The following SOCS4 variants were observed in gnomAD, a reference collection of about 807,000 sequenced individuals.
SOCS4 encodes suppressor of cytokine signaling 4.
In SOCS4, 20 loss-of-function variants were observed where a neutral mutation model predicts 34.1. The observed-to-expected ratio is 0.59, with a 90% CI of 0.41 to 0.85. The LOEUF is 0.85. SOCS4 is among the 40% of genes least tolerant of loss of function. The pLI, the probability that SOCS4 is intolerant of heterozygous loss-of-function variation, is 0.00. For missense variants in SOCS4, 479 were observed against 532.4 expected, an observed-to-expected ratio of 0.90 and a Z score of 0.99; for synonymous variants, 180 against 186.4, an observed-to-expected ratio of 0.97 and a Z score of 0.28.
At chr14:55,040,501 T>G (rs568638077) in intron 2 of SOCS4, among the ~76,000 whole-genome samples, 2 of 152,200 alleles carry the variant, frequency 1.3e-5, no homozygotes, top group Non-Finnish European at 2.9e-5. Flanking sequence ...TCCCAGCACT[T>G]TGGGAGGTCC....
At position 55,043,796 on chromosome 14, in the gene SOCS4, A is replaced by T. The variant is rs2042645407; in HGVS notation, c.755A>T (p.Asp252Val). Residue 252 changes from aspartate to valine, a missense_variant, in exon 3 of 3, where the codon GAT becomes GTT. Coordinates refer to ENST00000555846, the MANE Select transcript of SOCS4 (RefSeq NM_199421.2). ...AGAAACAAACCCAAATGGGATTTGGATGATGAAATCCTGCAGTTGGAAACA... is the reference window on the plus strand; with the variant it reads ...AGAAACAAACCCAAATGGGATTTGGTTGATGAAATCCTGCAGTTGGAAACA... Reference protein sequence around the residue: ...RKRNKPKWDLDDEILQLETPP... With the variant: ...RKRNKPKWDLVDEILQLETPP... The T allele has an allele frequency of 1.2e-6, 2 of 1,614,056 alleles. No homozygotes were observed. Among genetic ancestry groups the T allele is most frequent in the Admixed American group, 1.7e-5 (1 of 60,002 alleles).
chr14:55,045,452 T>C lies in SOCS4; in HGVS notation c.*1088T>C, dbSNP rs1469354958. Reference sequence around the variant, plus strand: ...GTATTCAGGAAGCTTAATACTGTTTTTGATCTACAAGATCCAAATAATTAT... The same window carrying C: ...GTATTCAGGAAGCTTAATACTGTTTCTGATCTACAAGATCCAAATAATTAT... On this transcript the variant is annotated 3_prime_UTR_variant, in exon 3 of 3. Transcript: ENST00000555846. 2 of 166,980 alleles carry C rather than the reference T, an allele frequency of 1.2e-5. No homozygotes were observed. Among genetic ancestry groups the C allele is most frequent in the Non-Finnish European group, 2.9e-5 (2 of 68,034 alleles). 10.3% of individuals were successfully genotyped at this position (166,980 alleles called of 1,614,324 possible).
chr14:55,032,556 G>A (rs2042537114), intron 2 of SOCS4, among the ~76,000 whole-genome samples: 1 of 151,762 alleles, frequency 6.6e-6, no homozygotes, highest in Non-Finnish European at 1.5e-5. Flanking sequence ...ATGTCATTCT[G>A]TACTCCCCAG....
intron 2 of SOCS4, among the ~76,000 whole-genome samples, chr14:55,039,519 A>G (rs145252463): frequency 6.6e-6 from 1 of 152,354 alleles, no homozygotes; most frequent in Non-Finnish European, 1.5e-5. Flanking sequence ...TTATAAGCAG[A>G]CTTAGTTGTT....
rs140644732 is a variant in SOCS4, at chr14:55,040,572, G to A, written c.-90-2380G>A. ...ATCCTGGCTAACACAGTGAAACCCC[G>A]TCTCTTCTAAAAATACAAAAAATTA... On this transcript the variant is annotated intron_variant, in intron 2 of 2. Coordinates refer to ENST00000555846, the MANE Select transcript of SOCS4 (RefSeq NM_199421.2). 8.9e-3 allele frequency among the ~76,000 whole-genome samples: 1,346 copies of A among 152,076 alleles called. 17 individuals carry two copies. The highest frequency in any genetic ancestry group is 0.03 in the African/African-American group (1,253 of 41,460).
chr14:55,032,917 G>C (rs1177852571), intron 2 of SOCS4, among the ~76,000 whole-genome samples: 1 of 152,032 alleles, frequency 6.6e-6, no homozygotes, highest in Non-Finnish European at 1.5e-5. Flanking sequence ...CGAGTAGCTG[G>C]GACTAGAGGC....
intron 2 of SOCS4, among the ~76,000 whole-genome samples, chr14:55,038,892 G>C (rs1420255401): frequency 6.6e-6 from 1 of 152,120 alleles, no homozygotes; most frequent in Non-Finnish European, 1.5e-5. Flanking sequence ...TCTGTCACCT[G>C]CATCTCTGCT....
intron 2 of SOCS4, among the ~76,000 whole-genome samples, chr14:55,032,528 T>C (rs900211635): frequency 3.3e-5 from 5 of 151,794 alleles, no homozygotes; most frequent in African/African-American, 7.3e-5. Context: ...TTAAGAAATA[T>C]GACTTAAAAA....
rs2140250455 is a variant in SOCS4 at position 55,044,451 on chromosome 14, C to A, written c.*87C>A. On this transcript the variant is annotated 3_prime_UTR_variant, in exon 3 of 3. Transcript: ENST00000555846. ...TTTTATGCCACTTTGGATTTTTCTA[C>A]AAAGGCAGTGGTGTCCAAAATAAAA... The A allele has an allele frequency of 9.7e-7, 1 of 1,034,532 alleles. No individual in the cohort carries two copies. Among genetic ancestry groups the A allele is most frequent in the African/African-American group, 1.7e-5 (1 of 59,986 alleles). 64.1% of individuals were successfully genotyped at this position (1,034,532 alleles called of 1,614,324 possible).
At chr14:55,035,123 A>T (rs142153272) in intron 2 of SOCS4, among the ~76,000 whole-genome samples, 2,321 of 152,278 alleles carry the variant, frequency 0.015, 97 homozygotes, top group East Asian at 0.13. Flanking sequence ...GGCCTCCCAA[A>T]GTACTGGGAT....
intron 2 of SOCS4, among the ~76,000 whole-genome samples, chr14:55,041,133 C>T (rs1008685877): frequency 2.0e-5 from 3 of 152,160 alleles, no homozygotes; most frequent in Non-Finnish European, 4.4e-5. Flanking sequence ...GATCCACTCA[C>T]CTTGGCCTCC....
intron 2 of SOCS4, among the ~76,000 whole-genome samples, chr14:55,042,169 G>A (rs1307931306): frequency 2.0e-5 from 3 of 152,048 alleles, no homozygotes; most frequent in African/African-American, 7.2e-5. Context: ...CATGAAACTC[G>A]GTATTTTACA....
chr14:55,033,716 T>C (rs1287910353), intron 2 of SOCS4, among the ~76,000 whole-genome samples: 1 of 152,250 alleles, frequency 6.6e-6, no homozygotes, highest in Non-Finnish European at 1.5e-5. Flanking sequence ...ATGTAAGTAC[T>C]TTGTCTTGAG....
Position 55,049,267 on chromosome 14 carries a change from C to T in SOCS4, c.*4903C>T, listed in dbSNP as rs1490968447. The T allele has an allele frequency of 6.0e-6, 1 of 166,954 alleles. No individual in the cohort carries two copies. The highest frequency in any genetic ancestry group is 1.5e-5 in the Non-Finnish European group (1 of 68,100). The allele number at this position is 166,954 out of a possible 1,614,324, so 10.3% of individuals were successfully genotyped here. On this transcript the variant is annotated 3_prime_UTR_variant, in exon 3 of 3. Coordinates refer to ENST00000555846, the MANE Select transcript of SOCS4 (RefSeq NM_199421.2). ...AGAATTGGATAAATTCTGTATAAGC[C>T]AAGTATGAGTTCACATGTACTCGAA... is the stretch of plus-strand genomic sequence containing the variant.
At chr14:55,039,896 AAAAAAG>A (rs1343555970) in intron 2 of SOCS4, among the ~76,000 whole-genome samples, 1 of 152,234 alleles carries the variant, frequency 6.6e-6, no homozygotes, top group African/African-American at 2.4e-5. Context: ...ACTCCGTCTC[AAAAAAG>A]AAAAAGAAAA....
chr14:55,030,001 A>G (rs1468983218), intron 1 of SOCS4, among the ~76,000 whole-genome samples: 2 of 152,194 alleles, frequency 1.3e-5, no homozygotes, highest in Non-Finnish European at 2.9e-5. Flanking sequence ...TCAGTGTTAT[A>G]TAGATAGAAA....
chr14:55,035,040 TA>T (rs1269264525), intron 2 of SOCS4, among the ~76,000 whole-genome samples: 4 of 152,018 alleles, frequency 2.6e-5, no homozygotes, highest in Non-Finnish European at 5.9e-5. Flanking sequence ...TTTGTGTTTT[TA>T]GTAGAGAGGA....
chr14:55,047,733 AG>A lies in SOCS4; in HGVS notation c.*3370del, dbSNP rs2042689615. The stretch of plus-strand genomic sequence containing the variant: ...CTTAATAAGTAGAACAAATGTGGCA[AG>A]TAGGACTCCTATCGGTATACAAATT... On this transcript the variant is annotated 3_prime_UTR_variant, in exon 3 of 3. Coordinates refer to ENST00000555846, the MANE Select transcript of SOCS4 (RefSeq NM_199421.2). 1 of 167,128 alleles carries A rather than the reference AG, an allele frequency of 6.0e-6. No individual in the cohort carries two copies. The highest frequency in any genetic ancestry group is 2.4e-5 in the African/African-American group (1 of 41,476). 10.4% of individuals were successfully genotyped at this position (167,128 alleles called of 1,614,324 possible).
intron 2 of SOCS4, among the ~76,000 whole-genome samples, chr14:55,041,928 A>C (rs1164754726): frequency 6.7e-6 from 1 of 150,038 alleles, no homozygotes; most frequent in Non-Finnish European, 1.5e-5. Context: ...AGTAGCTGGG[A>C]TTACAGGCGT....
Sources: gnomAD v4.1 joint callset for allele counts (sites outside exome capture counted in the v4.1 genomes callset) on GRCh38, gnomAD v4.1.1 for gene constraint, MANE v1.5 for transcripts, NCBI Gene and HGNC (gene_info 2026-07-23, HGNC 2026-07-21) for gene names.